GPC5: variants seen among roughly 807,000 people sequenced by gnomAD.
GPC5 encodes glypican-5.
A neutral mutation model predicts 53.9 loss-of-function variants in GPC5; 47 were observed. The observed-to-expected ratio is 0.87, with a 90% CI of 0.69 to 1.11. GPC5 has a LOEUF of 1.11. GPC5 is among the 50% of genes most tolerant of loss of function. GPC5 has a pLI of 0.00. For missense variants in GPC5, 748 were observed against 713.1 expected, an observed-to-expected ratio of 1.05 and a Z score of -0.56; for synonymous variants, 286 against 263.3, an observed-to-expected ratio of 1.09 and a Z score of -0.84.
intron 7 of GPC5, among the ~76,000 whole-genome samples, chr13:92,545,337 G>T (rs1394010083): frequency 6.6e-6 from 1 of 152,122 alleles, no homozygotes; most frequent in Non-Finnish European, 1.5e-5. Context: ...CATCTGGGTT[G>T]GTTCCAATTC....
chr13:92,001,812 A>G (rs1323638994), intron 6 of GPC5, among the ~76,000 whole-genome samples: 1 of 152,212 alleles, frequency 6.6e-6, no homozygotes, highest in Non-Finnish European at 1.5e-5. Flanking sequence ...AGAGAAGCAT[A>G]TTAGATACAA....
At chr13:92,600,463 G>GT (rs200410226) in intron 7 of GPC5, among the ~76,000 whole-genome samples, 242 of 150,216 alleles carry the variant, frequency 1.6e-3, no homozygotes, top group Admixed American at 4.0e-3. Flanking sequence ...ATTCCCATGT[G>GT]TTTTTTTTTC....
intron 7 of GPC5, among the ~76,000 whole-genome samples, chr13:92,732,029 A>C (rs1205479256): frequency 1.3e-5 from 2 of 151,382 alleles, no homozygotes; most frequent in African/African-American, 2.4e-5. Flanking sequence ...TGCAAGGAGA[A>C]ACCTATGAAC....
chr13:92,532,142 G>A (rs755304006), intron 7 of GPC5, among the ~76,000 whole-genome samples: 32 of 152,192 alleles, frequency 2.1e-4, no homozygotes, highest in Non-Finnish European at 4.4e-4. Flanking sequence ...CTATTGCCCT[G>A]TTTCTTAAGT....
At chr13:92,347,998 T>A (rs2043441346) in intron 7 of GPC5, among the ~76,000 whole-genome samples, 1 of 81,486 alleles carries the variant, frequency 1.2e-5, no homozygotes, top group Non-Finnish European at 2.5e-5. Flanking sequence ...ATTGGAAAGG[T>A]CAAAGCATAC....
intron 7 of GPC5, among the ~76,000 whole-genome samples, chr13:92,676,704 C>T (rs1306870191): frequency 2.0e-5 from 3 of 152,084 alleles, no homozygotes; most frequent in Non-Finnish European, 1.5e-5. Context: ...ATTCAACCTG[C>T]CCATTATTGG....
chr13:92,181,345 C>T (rs2139035838), intron 7 of GPC5, among the ~76,000 whole-genome samples: 1 of 152,020 alleles, frequency 6.6e-6, no homozygotes, highest in African/African-American at 2.4e-5. Flanking sequence ...AATTTATTCT[C>T]AGAATGTAGT....
intron 7 of GPC5, among the ~76,000 whole-genome samples, chr13:92,782,551 A>G (rs759610261): frequency 7.2e-5 from 11 of 152,132 alleles, no homozygotes; most frequent in Non-Finnish European, 1.3e-4. Flanking sequence ...GGAAAATATC[A>G]TTGTGAGCGG....
chr13:91,921,807 GAAA>G (rs1377581298), intron 6 of GPC5, among the ~76,000 whole-genome samples: 12 of 151,246 alleles, frequency 7.9e-5, no homozygotes, highest in African/African-American at 2.7e-4. Context: ...AAGAAAGAAA[GAAA>G]GAAACACAAG....
intron 7 of GPC5, among the ~76,000 whole-genome samples, chr13:92,287,177 C>A (rs550516389): frequency 6.6e-6 from 1 of 152,190 alleles, no homozygotes; most frequent in South Asian, 2.1e-4. Context: ...TTTGACTTTT[C>A]TAGTTTTTTA....
chr13:91,739,707 AAG>A (rs2036889073), intron 4 of GPC5, among the ~76,000 whole-genome samples: 1 of 151,374 alleles, frequency 6.6e-6, no homozygotes, highest in Non-Finnish European at 1.5e-5. Context: ...CAAGAAATCT[AAG>A]AGAGAGCAAG....
chr13:91,536,639 G>A (rs971672653), intron 2 of GPC5, among the ~76,000 whole-genome samples: 1 of 152,286 alleles, frequency 6.6e-6, no homozygotes, highest in Middle Eastern at 3.4e-3. Flanking sequence ...GTGCACGGCT[G>A]TCTTCTCCCT....
chr13:92,606,797 C>T (rs1178481769), intron 7 of GPC5, among the ~76,000 whole-genome samples: 1 of 151,860 alleles, frequency 6.6e-6, no homozygotes, highest in Admixed American at 6.6e-5. Flanking sequence ...TTTTTTTTCA[C>T]TTTCCTCAAG....
chr13:91,983,483 T>C (rs2040379578), intron 6 of GPC5, among the ~76,000 whole-genome samples: 1 of 152,150 alleles, frequency 6.6e-6, no homozygotes. Context: ...TTCATTGAAC[T>C]GACTCAGACT....
chr13:92,120,031 G>A (rs912748813), intron 6 of GPC5, among the ~76,000 whole-genome samples: 1 of 151,834 alleles, frequency 6.6e-6, no homozygotes, highest in Admixed American at 6.6e-5. Context: ...AGGGTTTGCA[G>A]ATAACAGATT....
intron 2 of GPC5, among the ~76,000 whole-genome samples, chr13:91,622,848 A>G (rs2033898720): frequency 6.6e-6 from 1 of 152,140 alleles, no homozygotes; most frequent in Admixed American, 6.5e-5. Flanking sequence ...GATAAAATTT[A>G]CCTGTTTGGC....
At chr13:91,663,566 C>T (rs2035036031) in intron 2 of GPC5, among the ~76,000 whole-genome samples, 2 of 152,052 alleles carry the variant, frequency 1.3e-5, no homozygotes, top group Admixed American at 6.5e-5. Flanking sequence ...CAAGTGATCC[C>T]CCTGCCTCAG....
At chr13:91,517,056 G>C (rs578176300) in intron 2 of GPC5, among the ~76,000 whole-genome samples, 14 of 152,236 alleles carry the variant, frequency 9.2e-5, no homozygotes, top group African/African-American at 3.1e-4. Flanking sequence ...GCCTGTGATG[G>C]GAGAGGCTGC....
At chr13:92,289,177 G>A (rs9523599) in intron 7 of GPC5, among the ~76,000 whole-genome samples, 13,002 of 151,748 alleles carry the variant, frequency 0.086, 618 homozygotes, top group Middle Eastern at 0.13. Flanking sequence ...ATACCAAAAT[G>A]AATGAAAGAC....
Sources: allele counts gnomAD v4.1 joint callset (sites outside exome capture counted in the v4.1 genomes callset), GRCh38; gene constraint gnomAD v4.1.1; transcripts MANE v1.5; gene names NCBI Gene and HGNC (gene_info 2026-07-23, HGNC 2026-07-21).